Variants in CCBE1 observed in about 807,000 individuals in gnomAD.
CCBE1 encodes collagen and calcium binding EGF domains 1, also known as collagen and calcium-binding EGF domain-containing protein 1.
In CCBE1, 37 loss-of-function variants were observed where a neutral mutation model predicts 50.0. That is an observed-to-expected ratio of 0.74 (90% CI 0.57 to 0.97). The LOEUF is 0.97. Among genes scored for constraint, CCBE1 ranks in the 50% least tolerant of loss-of-function variants. The pLI is 0.00. For synonymous variants in CCBE1, 234 were observed against 203.7 expected (o/e 1.15, Z -1.27); for missense variants, 538 against 523.8 (o/e 1.03, Z -0.26).
chr18:59,509,215 C>T (rs1235753173), intron 2 of CCBE1, among the ~76,000 whole-genome samples: 4 of 152,268 alleles, frequency 2.6e-5, no homozygotes, highest in South Asian at 2.1e-4. Flanking sequence ...CAATATTTCC[C>T]TATTTATCAA....
chr18:59,697,465 A>C, upstream of CCBE1: 1 of 1,282,516 alleles, frequency 7.8e-7, no homozygotes, highest in Non-Finnish European at 1.1e-6. Flanking sequence ...GGGCGTTTGC[A>C]CCACCTGCAC....
intron 2 of CCBE1, among the ~76,000 whole-genome samples, chr18:59,689,153 T>A (rs1411000520): frequency 6.6e-6 from 1 of 152,226 alleles, no homozygotes; most frequent in Non-Finnish European, 1.5e-5. Flanking sequence ...ACTCCCAGGA[T>A]TAGACGCTAC....
At chr18:59,579,917 A>T (rs991734969) in intron 2 of CCBE1, among the ~76,000 whole-genome samples, 2 of 152,180 alleles carry the variant, frequency 1.3e-5, no homozygotes, top group African/African-American at 4.8e-5. Flanking sequence ...GAAAAAAAAG[A>T]TGCCTCTGGG....
intron 2 of CCBE1, among the ~76,000 whole-genome samples, chr18:59,651,932 T>C (rs1024851328): frequency 3.9e-5 from 6 of 152,236 alleles, no homozygotes; most frequent in African/African-American, 1.2e-4. Context: ...CTTTGTTAAG[T>C]ATAGTCATCC....
intron 2 of CCBE1, among the ~76,000 whole-genome samples, chr18:59,644,724 C>A (rs1031699054): frequency 3.3e-5 from 5 of 152,240 alleles, no homozygotes; most frequent in East Asian, 1.9e-4. Context: ...TTTCTCCCCC[C>A]ACACCGTCAC....
chr18:59,545,322 G>A (rs760578064), intron 2 of CCBE1, among the ~76,000 whole-genome samples: 13 of 146,232 alleles, frequency 8.9e-5, no homozygotes, highest in East Asian at 2.4e-4. Context: ...TCAGAAGTAC[G>A]TAAAAAACTC....
intron 2 of CCBE1, among the ~76,000 whole-genome samples, chr18:59,564,916 A>G (rs1274319759): frequency 1.3e-5 from 2 of 152,282 alleles, no homozygotes; most frequent in African/African-American, 2.4e-5. Context: ...ACTGCAAAGT[A>G]TATGTTCAAG....
intron 2 of CCBE1, among the ~76,000 whole-genome samples, chr18:59,649,498 C>T (rs180681672): frequency 6.6e-4 from 100 of 151,696 alleles, no homozygotes; most frequent in African/African-American, 2.4e-3. Flanking sequence ...ACCATAATAA[C>T]AGACAGACAT....
Position 59,618,474 on chromosome 18 carries a change from G to A in CCBE1, c.212+78155C>T, listed in dbSNP as rs571984168. Among the ~76,000 whole-genome samples the A allele has an allele frequency of 7.4e-4, 107 of 145,066 alleles. 1 individual carries two copies. The highest frequency in any genetic ancestry group is 6.7e-3 in the Admixed American group (95 of 14,230). ...TTTTGAGACAGAGTCTAGCTCTATC[G>A]CCCAGACTGGAGCGCAGTGGCACAA... On this transcript the variant is annotated intron_variant, in intron 2 of 10. Coordinates refer to ENST00000439986, the MANE Select transcript of CCBE1 (RefSeq NM_133459.4).
chr18:59,466,627 A>T (rs1911756976), intron 5 of CCBE1, 112 bp downstream of exon 5: 1 of 473,982 alleles, frequency 2.1e-6, no homozygotes. Flanking sequence ...AAATATATTT[A>T]TATATACAAT....
At chr18:59,620,602 G>C (rs2053699039) in intron 2 of CCBE1, among the ~76,000 whole-genome samples, 1 of 152,186 alleles carries the variant, frequency 6.6e-6, no homozygotes, top group African/African-American at 2.4e-5. Context: ...CCTGATGGGA[G>C]GTAATTGAAT....
intron 2 of CCBE1, among the ~76,000 whole-genome samples, chr18:59,516,237 TTTG>T: frequency 6.7e-6 from 1 of 149,620 alleles, no homozygotes. Context: ...GGGATTACAG[TTTG>T]TTTTTTTTTT....
chr18:59,500,041 G>T (rs987583524), intron 2 of CCBE1, among the ~76,000 whole-genome samples: 1 of 152,226 alleles, frequency 6.6e-6, no homozygotes, highest in African/African-American at 2.4e-5. Context: ...GTTCCACAAT[G>T]TAGGGCTTAG....
intron 2 of CCBE1, among the ~76,000 whole-genome samples, chr18:59,542,173 C>CA (rs55950963): frequency 0.051 from 6,894 of 134,876 alleles, 369 homozygotes; most frequent in African/African-American, 0.13. Context: ...GATCCTGTCT[C>CA]AAAAAAAAAA....
chr18:59,577,680 A>G (rs1174047139), intron 2 of CCBE1, among the ~76,000 whole-genome samples: 1 of 152,214 alleles, frequency 6.6e-6, no homozygotes, highest in Admixed American at 6.5e-5. Context: ...GCGGTTCAAC[A>G]AACGAGGTAG....
rs1005937657 is a variant in CCBE1, at chr18:59,460,071, A to G, written c.554-5120T>C. Among the ~76,000 whole-genome samples the G allele has an allele frequency of 1.1e-4, 16 of 152,318 alleles. 1 individual carries two copies. In the East Asian group the frequency reaches 1.4e-3, roughly 13 times the overall value. On this transcript the variant is annotated intron_variant, in intron 5 of 10. Coordinates refer to ENST00000439986, the MANE Select transcript of CCBE1 (RefSeq NM_133459.4). ...CAACATTTCCTTAATTTGTCTCCCT[A>G]TTGAGGCTACAGACTCCCTGGGGTG...
chr18:59,654,764 C>T (rs181379498), intron 2 of CCBE1, among the ~76,000 whole-genome samples: 12 of 148,060 alleles, frequency 8.1e-5, no homozygotes, highest in African/African-American at 2.5e-4. Flanking sequence ...TGCGCTCCAG[C>T]CTGGTGACAG....
chr18:59,658,848 C>G (rs1408543964), intron 2 of CCBE1, among the ~76,000 whole-genome samples: 1 of 132,938 alleles, frequency 7.5e-6, no homozygotes, highest in African/African-American at 2.8e-5. Flanking sequence ...CCACTGCACT[C>G]CAGTCTGGGC....
chr18:59,491,482 G>C (rs1415108425), intron 2 of CCBE1, among the ~76,000 whole-genome samples: 2 of 152,128 alleles, frequency 1.3e-5, no homozygotes, highest in Non-Finnish European at 2.9e-5. Flanking sequence ...CATTATTACT[G>C]TTGAAATGAG....
Sources: gnomAD v4.1 joint callset for allele counts (sites outside exome capture counted in the v4.1 genomes callset) on GRCh38, gnomAD v4.1.1 for gene constraint, MANE v1.5 for transcripts, NCBI Gene and HGNC (gene_info 2026-07-23, HGNC 2026-07-21) for gene names.